Variants in SLC25A12 observed in about 807,000 individuals in gnomAD.
SLC25A12 encodes the protein electrogenic aspartate/glutamate antiporter SLC25A12, mitochondrial.
In SLC25A12, 32 loss-of-function variants were observed where a neutral mutation model predicts 83.3. That is an observed-to-expected ratio of 0.38 (90% confidence interval 0.29 to 0.52). The LOEUF (loss-of-function observed/expected upper bound fraction) is 0.52. SLC25A12 is among the 20% of genes least tolerant of loss of function. The pLI is 0.84. For synonymous variants in SLC25A12, 267 were observed against 291.1 expected, an observed-to-expected ratio of 0.92 and a Z score of 0.84; for missense variants, 611 against 835.6, an observed-to-expected ratio of 0.73 and a Z score of 3.31.
At chr2:171,806,574 AAC>A (rs1485418894) in intron 13 of SLC25A12, among the ~76,000 whole-genome samples, 1 of 152,226 alleles carries the variant, frequency 6.6e-6, no homozygotes, top group Admixed American at 6.5e-5. Context: ...TGATCTAGTC[AAC>A]ACACACCATT....
chr2:171,808,888 T>G (rs1245464983), intron 13 of SLC25A12, among the ~76,000 whole-genome samples: 2 of 149,968 alleles, frequency 1.3e-5, no homozygotes, highest in Non-Finnish European at 3.0e-5. Context: ...CAGTGTGTGA[T>G]GCTCCCTGCC....
At chr2:171,827,658 G>A (rs371821616) in intron 8 of SLC25A12, among the ~76,000 whole-genome samples, 1 of 152,274 alleles carries the variant, frequency 6.6e-6, no homozygotes. Context: ...CTCCTGATCT[G>A]TGGAGTATAC....
intron 2 of SLC25A12, among the ~76,000 whole-genome samples, chr2:171,878,667 G>A (rs1685620835): frequency 6.6e-6 from 1 of 152,134 alleles, no homozygotes; most frequent in Non-Finnish European, 1.5e-5. Context: ...TGTTCCAACT[G>A]AGATGAACTG....
Position 171,793,685 on chromosome 2 carries a change from C to T in SLC25A12, c.1388G>A (p.Gly463Glu). ...CACATTCAGGGCGCTGACTCTGGGTCCCGTGGTGATCTCTCCAGCTACTTG... is the reference window on the plus strand; with the variant it reads ...CACATTCAGGGCGCTGACTCTGGGTTCCGTGGTGATCTCTCCAGCTACTTG... ...RLQVAGEITT[G>E]PRVSALNVLR... Residue 463 changes from glycine (G) to glutamate (E), a missense_variant, in exon 14 of 18, where the codon GGA (glycine) becomes GAA (glutamate). Gly to Glu is a moderately conservative substitution (Grantham distance 98, BLOSUM62 -2). Around this residue, in one of 3 missense-constraint regions of SLC25A12, gnomAD observed 540 missense variants for 777.5 expected, o/e 0.69. Transcript: ENST00000422440. 6.2e-7 allele frequency: 1 copy of T among 1,614,170 alleles called. No homozygotes were observed. The highest frequency in any genetic ancestry group is 8.5e-7 in the Non-Finnish European group (1 of 1,180,044).
chr2:171,852,140 T>C (rs1011462078), intron 4 of SLC25A12, among the ~76,000 whole-genome samples: 6 of 152,310 alleles, frequency 3.9e-5, no homozygotes, highest in Non-Finnish European at 7.3e-5. Context: ...TTTTATTCAC[T>C]CTTAAAAAAA....
chr2:171,868,386 G>A (rs1190560747), intron 3 of SLC25A12, among the ~76,000 whole-genome samples: 3 of 146,898 alleles, frequency 2.0e-5, no homozygotes, highest in Non-Finnish European at 3.0e-5. Flanking sequence ...CGATCTCGGC[G>A]CACCACAACC....
At chr2:171,827,761 C>T (rs947844663) in intron 8 of SLC25A12, among the ~76,000 whole-genome samples, 2 of 152,200 alleles carry the variant, frequency 1.3e-5, no homozygotes, top group Middle Eastern at 3.2e-3. Flanking sequence ...AACTGGACAA[C>T]TTGTAGTCAA....
In SLC25A12 at chr2:171,805,092, TTTTTG is replaced by T. The variant is rs976242691; in HGVS notation, c.1305+4509_1305+4513del. 5.6e-4 allele frequency among the ~76,000 whole-genome samples: 81 copies of T among 144,320 alleles called. 1 individual carries two copies. In the South Asian group the frequency reaches 0.016, roughly 28 times the overall value. 94.7% of individuals were successfully genotyped at this position (144,320 alleles called of 152,430 possible). The stretch of plus-strand genomic sequence containing the variant: ...CAATAAAGCTGTTATTTTTTCTGTT[TTTTTG>T]TTTTGTTTTGTTTTTTGTTTTTTTT... On this transcript the variant is annotated intron_variant, in intron 13 of 17. Coordinates refer to ENST00000422440, the MANE Select transcript of SLC25A12 (RefSeq NM_003705.5).
At chr2:171,861,318 T>C (rs1009647840) in intron 3 of SLC25A12, among the ~76,000 whole-genome samples, 1 of 152,180 alleles carries the variant, frequency 6.6e-6, no homozygotes, top group African/African-American at 2.4e-5. Flanking sequence ...AGTCATTATA[T>C]ACTTACTGCA....
intron 6 of SLC25A12, 64 bp downstream of exon 6, chr2:171,837,057 C>A: frequency 2.6e-6 from 4 of 1,549,176 alleles, no homozygotes; most frequent in Non-Finnish European, 3.6e-6. Flanking sequence ...TGGAGGCAAT[C>A]CAGGACTCAA....
At chr2:171,826,692 G>A (rs1684306084) in intron 9 of SLC25A12, 106 bp downstream of exon 9, 1 of 742,772 alleles carries the variant, frequency 1.3e-6, no homozygotes, top group Non-Finnish European at 2.5e-6. Flanking sequence ...GTCTTTCTCT[G>A]GAAAGTAATT....
chr2:171,801,047 T>G (rs1007187931), intron 13 of SLC25A12, among the ~76,000 whole-genome samples: 1 of 152,188 alleles, frequency 6.6e-6, no homozygotes, highest in South Asian at 2.1e-4. Context: ...TCAAAACTCA[T>G]TGAGCTGAAT....
At chr2:171,801,183 T>C (rs1683702231) in intron 13 of SLC25A12, among the ~76,000 whole-genome samples, 1 of 152,192 alleles carries the variant, frequency 6.6e-6, no homozygotes, top group Non-Finnish European at 1.5e-5. Flanking sequence ...TAAAGTTGAA[T>C]AGTGTCATCT....
At chr2:171,845,919 T>C (rs1399385970) in intron 4 of SLC25A12, 2 of 387,396 alleles carry the variant, frequency 5.2e-6, no homozygotes, top group East Asian at 8.4e-5. Context: ...CTTACATAAA[T>C]ACAAATTTAA....
At chr2:171,848,378 C>A in intron 4 of SLC25A12, 1 of 440,494 alleles carries the variant, frequency 2.3e-6, no homozygotes, top group Non-Finnish European at 4.7e-6. Context: ...GCCACTACAA[C>A]CAACTTATAG....
At chr2:171,812,205 T>A (rs3770451) in intron 11 of SLC25A12, among the ~76,000 whole-genome samples, 1 of 152,008 alleles carries the variant, frequency 6.6e-6, no homozygotes, top group African/African-American at 2.4e-5. Flanking sequence ...TATATAATGC[T>A]AAAAATGAAC....
In SLC25A12 at chr2:171,855,941, G is replaced by C. The variant is rs1376678275; in HGVS notation, c.218C>G (p.Ser73Cys). Reference sequence around the variant, plus strand: ...TTCAAATGCCAAAAACTCTTGATAGGAGATCAACCTGGAATAAAATATAAA... The same window carrying C: ...TTCAAATGCCAAAAACTCTTGATAGCAGATCAACCTGGAATAAAATATAAA... The part of the protein sequence containing the change: ...VADQTKDGLI[S>C]YQEFLAFESV... The change falls in exon 4 of 18, where the codon TCC becomes TGC. Residue 73 changes from serine (S) to cysteine (C), a missense_variant. Ser to Cys is a moderately radical substitution (Grantham distance 112, BLOSUM62 -1). This residue lies in a region of SLC25A12 where 540 missense variants were observed against 777.5 expected (regional missense o/e 0.69). Transcript: ENST00000422440. 3.2e-6 allele frequency: 5 copies of C among 1,579,236 alleles called. No individual in the cohort carries two copies. The highest frequency in any genetic ancestry group is 4.4e-6 in the Non-Finnish European group (5 of 1,148,364).
At chr2:171,820,684 C>T (rs1226307866) in intron 9 of SLC25A12, among the ~76,000 whole-genome samples, 8 of 144,820 alleles carry the variant, frequency 5.5e-5, no homozygotes, top group Non-Finnish European at 1.5e-5. Flanking sequence ...GCCGAGATCC[C>T]GCCACTGCAC....
chr2:171,837,479 G>T (rs978677188), intron 5 of SLC25A12, among the ~76,000 whole-genome samples: 2 of 152,148 alleles, frequency 1.3e-5, no homozygotes, highest in African/African-American at 4.8e-5. Flanking sequence ...TCAGGAAAAA[G>T]AATGAATGAG....
Sources: gnomAD v4.1 joint callset for allele counts (sites outside exome capture counted in the v4.1 genomes callset) on GRCh38, gnomAD v4.1.1 for gene constraint, gnomAD v4.1.1 regional missense constraint, MANE v1.5 for transcripts, NCBI Gene and HGNC (gene_info 2026-07-23, HGNC 2026-07-21) for gene names.